Variants in EVPL observed in about 807,000 individuals in gnomAD.
EVPL encodes the protein envoplakin.
In EVPL, 94 loss-of-function variants were observed where a neutral mutation model predicts 129.7. The observed-to-expected ratio is 0.72, with a 90% CI of 0.61 to 0.86. The LOEUF is 0.86. Ranked by LOEUF, EVPL falls within the 40% of genes least tolerant of loss-of-function variation. The pLI, the probability that EVPL is intolerant of heterozygous loss-of-function variation, is 0.00. For missense variants in EVPL, 2,625 were observed against 2,721.1 expected (o/e 0.96, Z 0.79); for synonymous variants, 1,172 against 1,191.1 (o/e 0.98, Z 0.33).
Position 76,023,553 on chromosome 17 carries a change from G to A in EVPL, c.300C>T (p.Asp100=), listed in dbSNP as rs570337271. 64 of 1,613,344 alleles carry A rather than the reference G, an allele frequency of 4.0e-5. 1 individual carries two copies. In the South Asian group the frequency reaches 4.8e-4, roughly 12 times the overall value. The change falls in exon 3 of 22, where the codon GAC becomes GAT. Residue 100 remains aspartate (D), a synonymous_variant. Transcript: ENST00000301607. ...AEVLLKDLFL[D]VDKARRLKHP... is the part of the protein sequence containing the mutation. The stretch of plus-strand genomic sequence containing the variant: ...GCTTGAGCCGCCGGGCCTTGTCCAC[G>A]TCCAGGAAGAGGTCCTTGAGCAGCA...
chr17:76,007,008 A>C lies in EVPL; in HGVS notation c.*95T>G. On this transcript the variant is annotated 3_prime_UTR_variant, in exon 22 of 22. Transcript: ENST00000301607. The surrounding 1 kb of genome is among the most constrained non-coding windows in gnomAD (Gnocchi z 8.8). ...AAAACAGTGGTTGGACAGAGGGAAG[A>C]CCCACTGCCTGGGATGAGGCTGCTC... 1 of 1,234,154 alleles carries C rather than the reference A, an allele frequency of 8.1e-7. No individual in the cohort carries two copies. Among genetic ancestry groups the C allele is most frequent in the Non-Finnish European group, 1.0e-6 (1 of 972,930 alleles). 76.5% of individuals were successfully genotyped at this position (1,234,154 alleles called of 1,614,324 possible).
chr17:76,011,424 T>C, intron 21 of EVPL, 152 bp downstream of exon 21: 1 of 711,408 alleles, frequency 1.4e-6, no homozygotes, highest in Admixed American at 2.3e-5. Context: ...TCCGCTCCCC[T>C]CTCCAGCAGC....
chr17:76,024,086 G>A lies in EVPL; in HGVS notation c.133C>T (p.Arg45Cys), dbSNP rs374633423. ...ACCTGGTCGGCGTTGGCTTGCATGC[G>A]GGAGATGAGAAGGGCCAGCTCCTGG... is the stretch of plus-strand genomic sequence containing the variant. ...ATQELALLISRMQANADQVER... is the reference protein window; with the variant it reads ...ATQELALLISCMQANADQVER... Residue 45 changes from arginine (R) to cysteine (C), a missense_variant, in exon 2 of 22, where the codon CGC (arginine) becomes TGC (cysteine). By Grantham distance (180) the Arg-to-Cys change is radical. Coordinates refer to ENST00000301607, the MANE Select transcript of EVPL (RefSeq NM_001988.4). This position sits in a 1 kb window ranked among gnomAD's most constrained non-coding sequence, Gnocchi z 4.5. 34 of 1,613,744 alleles carry A rather than the reference G, an allele frequency of 2.1e-5. No individual in the cohort carries two copies. Among genetic ancestry groups the A allele is most frequent in the African/African-American group, 6.7e-5 (5 of 74,934 alleles).
intron 18 of EVPL, 92 bp downstream of exon 18, chr17:76,014,334 G>T: frequency 6.8e-7 from 1 of 1,475,538 alleles, no homozygotes; most frequent in Non-Finnish European, 9.0e-7. Context: ...GGGCCTCCGT[G>T]GCCTGGGCTT....
Position 76,024,854 on chromosome 17 carries a change from G to GCTCTCA in EVPL, c.99-735_99-734insTGAGAG, listed in dbSNP as rs2066488076. Reference sequence around the variant, plus strand: ...GCCCTGCAGCCTCCATAGAGCACCTGCTGTGTGCATGCACTCACTGTGCGG... The same window carrying GCTCTCA: ...GCCCTGCAGCCTCCATAGAGCACCTGCTCTCACTGTGTGCATGCACTCACTGTGCGG... On this transcript the variant is annotated intron_variant, in intron 1 of 21. Coordinates refer to ENST00000301607, the MANE Select transcript of EVPL (RefSeq NM_001988.4). This position sits in a 1 kb window ranked among gnomAD's most constrained non-coding sequence, Gnocchi z 4.5. 6.6e-6 allele frequency among the ~76,000 whole-genome samples: 1 copy of GCTCTCA among 152,224 alleles called. No homozygotes were observed. Among genetic ancestry groups the GCTCTCA allele is most frequent in the African/African-American group, 2.4e-5 (1 of 41,456 alleles).
Position 76,007,968 on chromosome 17 carries a change from T to C in EVPL, c.5237A>G (p.Gln1746Arg), listed in dbSNP as rs2066335186. Residue 1746 changes from glutamine to arginine, a missense_variant, in exon 22 of 22, where the codon CAG becomes CGG. By Grantham distance (43) the Gln-to-Arg change is conservative. Coordinates refer to ENST00000301607, the MANE Select transcript of EVPL (RefSeq NM_001988.4). The surrounding 1 kb of genome is among the most constrained non-coding windows in gnomAD (Gnocchi z 8.8). ...GCGGAGGGCGGCCTCGATGGAGTACTGCTTCCCGCTCTTGCGGTCCAGGAG... is the reference window on the plus strand; with the variant it reads ...GCGGAGGGCGGCCTCGATGGAGTACCGCTTCCCGCTCTTGCGGTCCAGGAG... ...SVLLDRKSGKQYSIEAALRCR... is the reference protein window; with the variant it reads ...SVLLDRKSGKRYSIEAALRCR... The C allele has an allele frequency of 1.9e-6, 3 of 1,613,984 alleles. No homozygotes were observed. In the South Asian group the frequency reaches 3.3e-5, roughly 18 times the overall value.
chr17:76,012,274 C>T (rs992602766), intron 18 of EVPL, 185 bp from the exon 19 acceptor site: 2 of 560,560 alleles, frequency 3.6e-6, no homozygotes, highest in African/African-American at 1.9e-5. Context: ...TTTCCTCCTT[C>T]CTCTCCGAGG....
rs925490811 is a variant in EVPL, at chr17:76,027,003, G to T, written c.98+98C>A. On this transcript the variant is annotated intron_variant, in intron 1 of 21. Coordinates refer to ENST00000301607, the MANE Select transcript of EVPL (RefSeq NM_001988.4). ...AAATGCCAGCACGGGGCTGGTCCTG[G>T]GCTCTGGGCCGCCGCCGCCGCCAGG... is the stretch of plus-strand genomic sequence containing the variant. The T allele has an allele frequency of 3.4e-5, 23 of 683,882 alleles. No individual in the cohort carries two copies. In the African/African-American group the frequency reaches 4.4e-4, roughly 13 times the overall value. The allele number at this position is 683,882 out of a possible 1,614,324, so 42.4% of individuals were successfully genotyped here. A position where few individuals can be genotyped will look rare whatever the true frequency, so the allele number is the denominator to read the frequency against.
intron 17 of EVPL, 28 bp downstream of exon 17, chr17:76,014,888 C>G: frequency 6.4e-7 from 1 of 1,561,442 alleles, no homozygotes; most frequent in Non-Finnish European, 8.7e-7. Flanking sequence ...CAGCCCACAC[C>G]CTGTGCCCCG....
At position 76,008,578 on chromosome 17, in the gene EVPL, G is replaced by A. The variant is rs1179015261; in HGVS notation, c.4627C>T (p.Leu1543Phe). 2.5e-6 allele frequency: 4 copies of A among 1,610,698 alleles called. No homozygotes were observed. Among genetic ancestry groups the A allele is most frequent in the East Asian group, 2.2e-5 (1 of 44,888 alleles). The change falls in exon 22 of 22, where the codon CTC becomes TTC. Residue 1543 changes from leucine (L) to phenylalanine (F), a missense_variant. By Grantham distance (22) the Leu-to-Phe change is conservative. Transcript: ENST00000301607. This position sits in a 1 kb window ranked among gnomAD's most constrained non-coding sequence, Gnocchi z 7.4. ...TGCCGGGCCGTGCGCTCCCTGTTGA[G>A]CATCTCCCACACGCGGGCCCGCTCA... ...EDERARVWEMLNRERTARQAR... is the reference protein window; with the variant it reads ...EDERARVWEMFNRERTARQAR...
intron 10 of EVPL, 79 bp from the exon 11 acceptor site, chr17:76,019,139 G>T: frequency 6.4e-6 from 9 of 1,403,050 alleles, no homozygotes; most frequent in Non-Finnish European, 8.4e-6. Flanking sequence ...CCTTCAAAAG[G>T]CCTAGAGGCT....
Position 76,009,697 on chromosome 17 carries a change from C to T in EVPL, c.3508G>A (p.Ala1170Thr), listed in dbSNP as rs1356762307. 26 of 1,613,424 alleles carry T rather than the reference C, an allele frequency of 1.6e-5. No individual in the cohort carries two copies. The highest frequency in any genetic ancestry group is 2.1e-5 in the Non-Finnish European group (25 of 1,180,024). ...CTGTGCAGGTCGCTCAGCTCCCTGG[C>T]CAGCGTCGCGTTCTTGGTCCTCTCC... ...EEERTKNATL[A>T]RELSDLHSKY... Residue 1170 changes from alanine (A) to threonine (T), a missense_variant, in exon 22 of 22, where the codon GCC becomes ACC. Ala to Thr is a moderately conservative substitution (Grantham distance 58). Coordinates refer to ENST00000301607, the MANE Select transcript of EVPL (RefSeq NM_001988.4). The surrounding 1 kb of genome is among the most constrained non-coding windows in gnomAD (Gnocchi z 5.9).
Position 76,015,066 on chromosome 17 carries a change from C to A in EVPL, c.2072G>T (p.Arg691Leu). 1 of 1,583,480 alleles carries A rather than the reference C, an allele frequency of 6.3e-7. No homozygotes were observed. Among genetic ancestry groups the A allele is most frequent in the Non-Finnish European group, 8.6e-7 (1 of 1,167,764 alleles). ...CGAGGCCTTCAGCGCGCGGTGTAGC[C>A]GCAGCACGCAGGTCTGCTGTTCCAG... ...ELLEQQTCVL[R>L]LHRALKASEH... The change falls in exon 17 of 22, where the codon CGG (arginine) becomes CTG (leucine). Residue 691 changes from arginine (R) to leucine (L), a missense_variant. By Grantham distance (102) the Arg-to-Leu change is moderately radical. Around this residue, in one of 4 missense-constraint regions of EVPL, gnomAD observed 1,024 missense variants for 997.5 expected, o/e 1.03. Coordinates refer to ENST00000301607, the MANE Select transcript of EVPL (RefSeq NM_001988.4).
chr17:76,017,180 T>A (rs185311250), intron 14 of EVPL, among the ~76,000 whole-genome samples: 25 of 152,316 alleles, frequency 1.6e-4, no homozygotes, highest in African/African-American at 5.8e-4. Context: ...GCCACTGCAC[T>A]CCAGCCTGGG....
chr17:76,007,257 G>A lies in EVPL; in HGVS notation c.5948C>T (p.Thr1983Ile), dbSNP rs1300242089. The A allele has an allele frequency of 1.3e-6, 2 of 1,568,538 alleles. No individual in the cohort carries two copies. The highest frequency in any genetic ancestry group is 1.7e-6 in the Non-Finnish European group (2 of 1,155,474). ...QDESSYEKDLTDPISKERLSY... is the reference protein window; with the variant it reads ...QDESSYEKDLIDPISKERLSY... Reference sequence around the variant, plus strand: ...CAGCCGTTCCTTGGAGATGGGGTCTGTCAAATCCTTCTCGTAGCTGGACTC... The same window carrying A: ...CAGCCGTTCCTTGGAGATGGGGTCTATCAAATCCTTCTCGTAGCTGGACTC... Residue 1983 changes from threonine (T) to isoleucine (I), a missense_variant, in exon 22 of 22, where the codon ACA becomes ATA. Transcript: ENST00000301607. This position sits in a 1 kb window ranked among gnomAD's most constrained non-coding sequence, Gnocchi z 8.8.
At chr17:76,021,834 G>A (rs758936075) in intron 7 of EVPL, 33 bp downstream of exon 7, 45 of 1,564,706 alleles carry the variant, frequency 2.9e-5, no homozygotes, top group Non-Finnish European at 3.8e-5. Context: ...GGCCCTGGCC[G>A]CCCCCACCTG....
At position 76,022,480 on chromosome 17, in the gene EVPL, G is replaced by T; in HGVS notation, c.539C>A (p.Ala180Asp). The T allele has an allele frequency of 6.2e-7, 1 of 1,613,250 alleles. No individual in the cohort carries two copies. The highest frequency in any genetic ancestry group is 8.5e-7 in the Non-Finnish European group (1 of 1,179,824). ...PGMAELEQQI[A>D]EHNILQKEID... Reference sequence around the variant, plus strand: ...CTCCTTCTGCAGGATGTTGTGCTCGGCGATCTGTTGCTCCAGCTCCGCCAT... The same window carrying T: ...CTCCTTCTGCAGGATGTTGTGCTCGTCGATCTGTTGCTCCAGCTCCGCCAT... Residue 180 changes from alanine (A) to aspartate (D), a missense_variant, in exon 5 of 22, where the codon GCC (alanine) becomes GAC (aspartate). Around this residue, in one of 4 missense-constraint regions of EVPL, gnomAD observed 1,024 missense variants for 997.5 expected, o/e 1.03. Coordinates refer to ENST00000301607, the MANE Select transcript of EVPL (RefSeq NM_001988.4). The surrounding 1 kb of genome is among the most constrained non-coding windows in gnomAD (Gnocchi z 5.6).
At position 76,007,567 on chromosome 17, in the gene EVPL, GCA is replaced by G. The variant is rs757300191; in HGVS notation, c.5636_5637del (p.Val1879AlafsTer19). 4.3e-6 allele frequency: 7 copies of G among 1,613,916 alleles called. No individual in the cohort carries two copies. The highest frequency in any genetic ancestry group is 1.3e-5 in the African/African-American group (1 of 74,950). The part of the protein sequence containing the change: ...VDLLSRERYS[V>X]HKAMERGLIE... ...ATCAGGCCCCTCTCCATCGCCTTGT[GCA>G]CAGAGTAGCGCTCACGGCTGAGCAG... On this transcript the variant is annotated frameshift_variant, in exon 22 of 22. Coordinates refer to ENST00000301607, the MANE Select transcript of EVPL (RefSeq NM_001988.4). LOFTEE classifies it low-confidence loss of function (END_TRUNC). This position sits in a 1 kb window ranked among gnomAD's most constrained non-coding sequence, Gnocchi z 8.8.
At position 76,010,347 on chromosome 17, in the gene EVPL, C is replaced by T. The variant is rs1356830131; in HGVS notation, c.2858G>A (p.Arg953Lys). 3 of 1,613,900 alleles carry T rather than the reference C, an allele frequency of 1.9e-6. No individual in the cohort carries two copies. In the East Asian group the frequency reaches 6.7e-5, roughly 36 times the overall value. ...LQLRTQRPLE[R>K]LEEKEVVEFY... Reference sequence around the variant, plus strand: ...CTCTACCACTTCCTTCTCCTCCAGCCTCTCCAAGGGCCGCTGGGTCCTCAG... The same window carrying T: ...CTCTACCACTTCCTTCTCCTCCAGCTTCTCCAAGGGCCGCTGGGTCCTCAG... Residue 953 changes from arginine to lysine, a missense_variant, in exon 22 of 22, where the codon AGG (arginine) becomes AAG (lysine). By Grantham distance (26) the Arg-to-Lys change is conservative (BLOSUM62 2). Transcript: ENST00000301607.
Sources: gnomAD v4.1 joint callset for allele counts (sites outside exome capture counted in the v4.1 genomes callset) on GRCh38, gnomAD v4.1.1 for gene constraint, gnomAD v4.1.1 regional missense constraint, Gnocchi (gnomAD v3.1) non-coding constraint, MANE v1.5 for transcripts, NCBI Gene and HGNC (gene_info 2026-07-23, HGNC 2026-07-21) for gene names.